Variants in FUT9 observed in about 807,000 individuals in gnomAD.
FUT9 encodes 4-galactosyl-N-acetylglucosaminide 3-alpha-L-fucosyltransferase 9.
Under a neutral mutation model 29.7 loss-of-function variants are expected in FUT9, and 15 were observed. The observed-to-expected ratio is 0.51, with a 90% confidence interval of 0.34 to 0.78. The LOEUF (loss-of-function observed/expected upper bound fraction) is 0.78. Among genes scored for constraint, FUT9 ranks in the 30% least tolerant of loss-of-function variants. The pLI, the probability that FUT9 is intolerant of heterozygous loss-of-function variation, is 0.01. For synonymous variants in FUT9, 169 were observed against 153.7 expected (o/e 1.10, Z -0.74); for missense variants, 319 against 425.4 (o/e 0.75, Z 2.20).
chr6:96,088,569 C>T (rs894520679), intron 1 of FUT9, among the ~76,000 whole-genome samples: 4 of 141,622 alleles, frequency 2.8e-5, no homozygotes, highest in African/African-American at 1.1e-4. Flanking sequence ...TGTGTGTGTG[C>T]GTGCGCGCGC....
At chr6:96,122,931 G>A (rs1772057078) in intron 2 of FUT9, among the ~76,000 whole-genome samples, 1 of 151,634 alleles carries the variant, frequency 6.6e-6, no homozygotes, top group Non-Finnish European at 1.5e-5. Context: ...ATGGTGGCGG[G>A]CGCCTGTAGT....
chr6:96,111,455 C>T (rs1035091840), intron 1 of FUT9, among the ~76,000 whole-genome samples: 9 of 151,204 alleles, frequency 6.0e-5, no homozygotes, highest in Admixed American at 5.3e-4. Flanking sequence ...TCATTATCAA[C>T]AAAAGTAATC....
At chr6:96,073,485 T>C (rs909555360) in intron 1 of FUT9, among the ~76,000 whole-genome samples, 13 of 147,820 alleles carry the variant, frequency 8.8e-5, no homozygotes, top group African/African-American at 3.0e-4. Context: ...AGATAAAGGA[T>C]GGTATTACTG....
At chr6:96,096,328 A>G (rs1241571567) in intron 1 of FUT9, among the ~76,000 whole-genome samples, 1 of 151,704 alleles carries the variant, frequency 6.6e-6, no homozygotes, top group Non-Finnish European at 1.5e-5. Context: ...CCAACCCCCC[A>G]GGATCCCTCA....
chr6:96,159,195 A>G (rs1772848849), intron 2 of FUT9, among the ~76,000 whole-genome samples: 1 of 152,118 alleles, frequency 6.6e-6, no homozygotes, highest in East Asian at 1.9e-4. Context: ...CATTTGCATC[A>G]TATCTTTAAG....
chr6:96,172,919 G>A (rs1773139932), intron 2 of FUT9, among the ~76,000 whole-genome samples: 1 of 152,080 alleles, frequency 6.6e-6, no homozygotes, highest in Non-Finnish European at 1.5e-5. Flanking sequence ...AAGGTTCCCT[G>A]TACCATTGAA....
chr6:96,099,778 C>T (rs12175153), intron 1 of FUT9, among the ~76,000 whole-genome samples: 14,999 of 151,986 alleles, frequency 0.099, 957 homozygotes, highest in Admixed American at 0.21. Flanking sequence ...AGACACTCAT[C>T]GATAAAATAT....
At chr6:96,088,379 A>C (rs1771354162) in intron 1 of FUT9, among the ~76,000 whole-genome samples, 1 of 152,018 alleles carries the variant, frequency 6.6e-6, no homozygotes, top group African/African-American at 2.4e-5. Flanking sequence ...TTGGTTCTTT[A>C]AATTTATAGC....
chr6:96,037,291 C>T (rs1770380544), intron 1 of FUT9: 1 of 152,048 alleles, frequency 6.6e-6, no homozygotes, highest in Non-Finnish European at 1.5e-5. Flanking sequence ...CTGCGAGGTT[C>T]ACAGAGTTTG....
intron 2 of FUT9, among the ~76,000 whole-genome samples, chr6:96,131,312 G>A (rs1292829544): frequency 6.6e-6 from 1 of 151,964 alleles, no homozygotes; most frequent in African/African-American, 2.4e-5. Context: ...ACCTTGACGA[G>A]TAGCTTGATT....
At chr6:96,138,079 A>G (rs1772390898) in intron 2 of FUT9, among the ~76,000 whole-genome samples, 1 of 152,152 alleles carries the variant, frequency 6.6e-6, no homozygotes, top group South Asian at 2.1e-4. Flanking sequence ...GACATTGTAC[A>G]TACTCTCCCA....
chr6:96,168,503 A>G (rs1429533355), intron 2 of FUT9, among the ~76,000 whole-genome samples: 4 of 152,214 alleles, frequency 2.6e-5, no homozygotes, highest in Non-Finnish European at 4.4e-5. Context: ...GAAGAAAGCA[A>G]TCACATCAAA....
rs1298831811 is a variant in FUT9 at position 96,211,400 on chromosome 6, T to C, written c.*7165T>C. 1 of 166,818 alleles carries C rather than the reference T, an allele frequency of 6.0e-6. No homozygotes were observed. Among genetic ancestry groups the C allele is most frequent in the African/African-American group, 2.4e-5 (1 of 41,418 alleles). 10.3% of individuals were successfully genotyped at this position (166,818 alleles called of 1,614,324 possible). ...AAGATTCTCAGAGATCATTTTCTGG[T>C]AAAGAAAAAGGCCTAGCAATATTTA... On this transcript the variant is annotated 3_prime_UTR_variant, in exon 3 of 3. Coordinates refer to ENST00000302103, the MANE Select transcript of FUT9 (RefSeq NM_006581.4).
chr6:96,120,431 C>T (rs1025154955), intron 2 of FUT9, among the ~76,000 whole-genome samples: 13 of 150,612 alleles, frequency 8.6e-5, no homozygotes, highest in African/African-American at 3.2e-4. Flanking sequence ...CCACCACGCC[C>T]AGCTAATTTT....
At chr6:96,129,264 C>CAAAA (rs869216525) in intron 2 of FUT9, among the ~76,000 whole-genome samples, 4 of 13,328 alleles carry the variant, frequency 3.0e-4, no homozygotes, top group African/African-American at 1.3e-3. Flanking sequence ...GACTCTGTCT[C>CAAAA]AAAAAAAAAA....
At chr6:96,141,998 A>G (rs932015480) in intron 2 of FUT9, among the ~76,000 whole-genome samples, 21 of 152,208 alleles carry the variant, frequency 1.4e-4, no homozygotes, top group Admixed American at 1.4e-3. Context: ...CACCTATAAA[A>G]TATGTGTATA....
intron 2 of FUT9, among the ~76,000 whole-genome samples, chr6:96,164,825 A>G (rs1371261174): frequency 6.6e-6 from 1 of 152,210 alleles, no homozygotes; most frequent in Non-Finnish European, 1.5e-5. Flanking sequence ...TTTGGTTTCC[A>G]AAACTATGTA....
chr6:96,160,113 G>C (rs1772869200), intron 2 of FUT9, among the ~76,000 whole-genome samples: 2 of 152,110 alleles, frequency 1.3e-5, no homozygotes, highest in South Asian at 4.1e-4. Context: ...CATTTTGGTT[G>C]AGCTTTTAAA....
intron 2 of FUT9, among the ~76,000 whole-genome samples, chr6:96,151,116 A>T (rs1013490596): frequency 4.6e-5 from 7 of 152,194 alleles, no homozygotes; most frequent in Admixed American, 3.9e-4. Context: ...AACACCAAGA[A>T]AAATGTTTTA....
Sources: allele counts gnomAD v4.1 joint callset (sites outside exome capture counted in the v4.1 genomes callset), GRCh38; gene constraint gnomAD v4.1.1; transcripts MANE v1.5; gene names NCBI Gene and HGNC (gene_info 2026-07-23, HGNC 2026-07-21).